Variants in ME1 observed in about 807,000 individuals in gnomAD.
The protein encoded by ME1 is NADP-dependent malic enzyme.
Under a neutral mutation model 66.4 loss-of-function variants are expected in ME1, and 74 were observed. That is an observed-to-expected ratio of 1.11 (90% CI 0.92 to 1.35). ME1 has a LOEUF of 1.35. ME1 is among the 40% of genes most tolerant of loss of function. The pLI is 0.00. For synonymous variants in ME1, 251 were observed against 235.6 expected (o/e 1.07, Z -0.60); for missense variants, 750 against 694.1 (o/e 1.08, Z -0.90).
intron 6 of ME1, among the ~76,000 whole-genome samples, chr6:83,303,835 A>G (rs1446584099): frequency 2.0e-5 from 3 of 152,162 alleles, no homozygotes; most frequent in African/African-American, 7.2e-5. Context: ...TGGAGAGTTC[A>G]CAAATAATAT....
At chr6:83,221,161 A>G (rs1286861879) in intron 12 of ME1, among the ~76,000 whole-genome samples, 2 of 152,206 alleles carry the variant, frequency 1.3e-5, no homozygotes, top group African/African-American at 2.4e-5. Context: ...TCCGTCTCAA[A>G]AAAAAAAGAT....
At chr6:83,265,765 C>T (rs1314571862) in intron 6 of ME1, among the ~76,000 whole-genome samples, 1 of 152,112 alleles carries the variant, frequency 6.6e-6, no homozygotes, top group Non-Finnish European at 1.5e-5. Context: ...CACTTTCAGA[C>T]CATATATTTA....
At chr6:83,328,631 G>T (rs1172390582) in intron 5 of ME1, among the ~76,000 whole-genome samples, 1 of 152,092 alleles carries the variant, frequency 6.6e-6, no homozygotes, top group African/African-American at 2.4e-5. Context: ...ATTCAGTTTT[G>T]ATAATGGTTC....
intron 3 of ME1, among the ~76,000 whole-genome samples, chr6:83,379,416 C>T (rs923753645): frequency 1.3e-5 from 2 of 152,040 alleles, no homozygotes; most frequent in Non-Finnish European, 2.9e-5. Context: ...ACACTTTCCA[C>T]CTGTCTTCAG....
chr6:83,235,468 C>CTTTT (rs1230132761), intron 9 of ME1, among the ~76,000 whole-genome samples: 1 of 117,158 alleles, frequency 8.5e-6, no homozygotes, highest in Non-Finnish European at 1.8e-5. Flanking sequence ...AAAGCAATAG[C>CTTTT]TATTTTTTTT....
intron 1 of ME1, among the ~76,000 whole-genome samples, chr6:83,416,814 T>C (rs760861407): frequency 3.5e-4 from 53 of 151,878 alleles, no homozygotes; most frequent in Non-Finnish European, 6.8e-4. Context: ...TAGGATGTCT[T>C]TGGCCCGGGA....
intron 3 of ME1, among the ~76,000 whole-genome samples, chr6:83,388,322 C>A (rs1769554301): frequency 6.6e-6 from 1 of 152,032 alleles, no homozygotes; most frequent in African/African-American, 2.4e-5. Context: ...TTAAACTAAA[C>A]TGATCCGTCT....
chr6:83,236,104 C>G (rs765585212), intron 9 of ME1, among the ~76,000 whole-genome samples: 2 of 151,610 alleles, frequency 1.3e-5, no homozygotes, highest in African/African-American at 4.8e-5. Flanking sequence ...ATTATGAATC[C>G]TTTACCATGT....
chr6:83,420,373 G>A (rs1321556897), intron 1 of ME1, among the ~76,000 whole-genome samples: 1 of 152,166 alleles, frequency 6.6e-6, no homozygotes, highest in Non-Finnish European at 1.5e-5. Flanking sequence ...CAGTCTGTAG[G>A]TGGTATCTTT....
chr6:83,348,979 T>G (rs1353580894), intron 4 of ME1, among the ~76,000 whole-genome samples: 36 of 121,422 alleles, frequency 3.0e-4, no homozygotes, highest in African/African-American at 1.2e-4. Flanking sequence ...AGCAAAACTC[T>G]GTCTCAAAAA....
chr6:83,221,837 A>G (rs938679997), intron 12 of ME1, among the ~76,000 whole-genome samples: 1 of 152,206 alleles, frequency 6.6e-6, no homozygotes, highest in Non-Finnish European at 1.5e-5. Context: ...AGACAAGGAA[A>G]ATAATGAGTG....
intron 3 of ME1, among the ~76,000 whole-genome samples, chr6:83,363,107 C>T (rs1769034272): frequency 6.6e-6 from 1 of 152,128 alleles, no homozygotes; most frequent in African/African-American, 2.4e-5. Context: ...ATTAACCAGT[C>T]CAGGAATCAA....
At chr6:83,355,504 G>T (rs1229409454) in intron 3 of ME1, among the ~76,000 whole-genome samples, 4 of 152,144 alleles carry the variant, frequency 2.6e-5, no homozygotes, top group African/African-American at 9.7e-5. Flanking sequence ...TTCAGAATAA[G>T]AGTCATTTGG....
At chr6:83,290,756 A>C (rs569290726) in intron 6 of ME1, among the ~76,000 whole-genome samples, 105 of 152,266 alleles carry the variant, frequency 6.9e-4, no homozygotes, top group South Asian at 1.2e-3. Context: ...GTGGGAGTCT[A>C]AGTCTCTTTG....
intron 5 of ME1, among the ~76,000 whole-genome samples, chr6:83,317,600 TC>T (rs1768059260): frequency 6.6e-6 from 1 of 151,964 alleles, no homozygotes; most frequent in Non-Finnish European, 1.5e-5. Context: ...CACAATCATG[TC>T]GTCTGCAAAC....
At chr6:83,368,345 G>A (rs562986552) in intron 3 of ME1, among the ~76,000 whole-genome samples, 129 of 148,056 alleles carry the variant, frequency 8.7e-4, no homozygotes, top group African/African-American at 3.1e-3. Context: ...TTGCCCAATG[G>A]AGGATTGCCA....
chr6:83,357,983 T>C (rs1458673004), intron 3 of ME1, among the ~76,000 whole-genome samples: 1 of 112,740 alleles, frequency 8.9e-6, no homozygotes, highest in Non-Finnish European at 1.8e-5. Context: ...ATTTCATTAG[T>C]TCTGTCCCTC....
chr6:83,339,970 TAA>T, intron 5 of ME1, among the ~76,000 whole-genome samples: 1 of 86,712 alleles, frequency 1.2e-5, no homozygotes, highest in Admixed American at 1.5e-4. Context: ...TAGAGTATAA[TAA>T]AAAAAAAAAG....
intron 13 of ME1, among the ~76,000 whole-genome samples, chr6:83,216,042 C>T (rs531433876): frequency 7.2e-5 from 11 of 152,296 alleles, no homozygotes; most frequent in Middle Eastern, 6.8e-3. Context: ...ATTTTGCCTT[C>T]CGCCCAGTAT....
Sources: allele counts gnomAD v4.1 joint callset (sites outside exome capture counted in the v4.1 genomes callset), GRCh38; gene constraint gnomAD v4.1.1; transcripts MANE v1.5; gene names NCBI Gene and HGNC (gene_info 2026-07-23, HGNC 2026-07-21).